SLCO3A1: variants seen among roughly 807,000 people sequenced by gnomAD.
SLCO3A1 encodes solute carrier organic anion transporter family member 3A1.
In SLCO3A1, 27 loss-of-function variants were observed where a neutral mutation model predicts 63.1. The observed-to-expected ratio is 0.43, with a 90% CI of 0.32 to 0.59. The LOEUF is 0.59. Ranked by LOEUF, SLCO3A1 falls within the 20% of genes least tolerant of loss-of-function variation. The pLI, the probability that SLCO3A1 is intolerant of heterozygous loss-of-function variation, is 0.09. For synonymous variants in SLCO3A1, 473 were observed against 409.9 expected (o/e 1.15, Z -1.86); for missense variants, 773 against 945.8 (o/e 0.82, Z 2.40).
intron 2 of SLCO3A1, among the ~76,000 whole-genome samples, chr15:91,987,283 T>G (rs529558094): frequency 3.0e-4 from 46 of 152,320 alleles, no homozygotes; most frequent in Non-Finnish European, 4.6e-4. Flanking sequence ...GAGCCTAGTG[T>G]TCAGTAGGTG....
chr15:91,967,883 G>T lies in SLCO3A1; in HGVS notation c.646+51425G>T, dbSNP rs2138849. On this transcript the variant is annotated intron_variant, in intron 2 of 9. Coordinates refer to ENST00000318445, the MANE Select transcript of SLCO3A1 (RefSeq NM_013272.4). This position sits in a 1 kb window ranked among gnomAD's most constrained non-coding sequence, Gnocchi z 4.4. ...TTGTCTGCTTTGTCTGCAGGATTCA[G>T]CACCAAGAGCTCTCAAGAGCAAATC... is the stretch of plus-strand genomic sequence containing the variant. 0.26 allele frequency among the ~76,000 whole-genome samples: 39,440 copies of T among 152,048 alleles called. 5,440 individuals are homozygous for T. The highest frequency in any genetic ancestry group is 0.35 in the East Asian group (1,795 of 5,144).
chr15:92,144,067 C>T (rs1287422561), intron 7 of SLCO3A1, among the ~76,000 whole-genome samples: 3 of 152,212 alleles, frequency 2.0e-5, no homozygotes, highest in Admixed American at 6.5e-5. Context: ...CTTCCGGGCG[C>T]GTCTGTGTGT....
intron 2 of SLCO3A1, among the ~76,000 whole-genome samples, chr15:91,989,492 T>A (rs2046099271): frequency 6.6e-6 from 1 of 152,170 alleles, no homozygotes; most frequent in Non-Finnish European, 1.5e-5. Flanking sequence ...ACATTCCAGA[T>A]CTCTCAGTCT....
rs1898647401 is a variant in SLCO3A1 at position 91,916,121 on chromosome 15, G to A, written c.309G>A (p.Gly103=). Residue 103 remains glycine, a synonymous_variant, in exon 2 of 10, where the codon GGG becomes GGA. Coordinates refer to ENST00000318445, the MANE Select transcript of SLCO3A1 (RefSeq NM_013272.4). The surrounding 1 kb of genome is among the most constrained non-coding windows in gnomAD (Gnocchi z 6.2). ...ILFVSYFGAR[G]HRPRLIGCGG... is the part of the protein sequence containing the mutation. ...TCGTGAGCTACTTCGGGGCACGCGGGCACCGGCCGCGCCTGATCGGCTGCG... is the reference window on the plus strand; with the variant it reads ...TCGTGAGCTACTTCGGGGCACGCGGACACCGGCCGCGCCTGATCGGCTGCG... 2 of 1,610,312 alleles carry A rather than the reference G, an allele frequency of 1.2e-6. No individual in the cohort carries two copies. The highest frequency in any genetic ancestry group is 1.7e-5 in the Admixed American group (1 of 59,948).
intron 2 of SLCO3A1, among the ~76,000 whole-genome samples, chr15:92,024,763 C>T (rs561914651): frequency 7.9e-5 from 12 of 152,270 alleles, no homozygotes; most frequent in South Asian, 2.1e-4. Context: ...AAGTAGGCCA[C>T]GGAAAACCTC....
chr15:92,100,244 T>C (rs1267337552), intron 3 of SLCO3A1, among the ~76,000 whole-genome samples: 2 of 152,268 alleles, frequency 1.3e-5, no homozygotes, highest in Middle Eastern at 6.8e-3. Context: ...TTTTCTCCTG[T>C]CCCCTTTACC....
chr15:91,854,803 T>C lies in SLCO3A1; in HGVS notation c.180+715T>C, dbSNP rs746274084. Among the ~76,000 whole-genome samples the C allele has an allele frequency of 1.6e-4, 25 of 152,136 alleles. No individual in the cohort carries two copies. The highest frequency in any genetic ancestry group is 3.1e-4 in the Non-Finnish European group (21 of 68,034). On this transcript the variant is annotated intron_variant, in intron 1 of 9. Coordinates refer to ENST00000318445, the MANE Select transcript of SLCO3A1 (RefSeq NM_013272.4). This position sits in a 1 kb window ranked among gnomAD's most constrained non-coding sequence, Gnocchi z 6.4. ...ATCGTGGTCTGTCGCCTACAGAAGG[T>C]TGCACCATTTTCCACAATGAATATG...
At chr15:91,924,172 T>C (rs1054382347) in intron 2 of SLCO3A1, among the ~76,000 whole-genome samples, 1 of 152,210 alleles carries the variant, frequency 6.6e-6, no homozygotes, top group South Asian at 2.1e-4. Flanking sequence ...CAATCTTAAG[T>C]GCTGAAGGGG....
intron 2 of SLCO3A1, among the ~76,000 whole-genome samples, chr15:92,023,056 A>G (rs940597717): frequency 1.3e-5 from 2 of 152,204 alleles, no homozygotes; most frequent in African/African-American, 4.8e-5. Context: ...GGAAGCACAG[A>G]GAAATTGAGG....
intron 2 of SLCO3A1, among the ~76,000 whole-genome samples, chr15:92,055,431 G>A (rs1428051462): frequency 6.6e-6 from 1 of 152,162 alleles, no homozygotes; most frequent in Non-Finnish European, 1.5e-5. Context: ...CTTTTGTTGT[G>A]CAGAACTTCT....
chr15:92,089,010 TA>T (rs758115214), intron 2 of SLCO3A1, among the ~76,000 whole-genome samples: 4,031 of 57,238 alleles, frequency 0.07, 99 homozygotes, highest in Non-Finnish European at 0.16. Flanking sequence ...ATTTATTTAT[TA>T]TTTATTTATT....
chr15:91,989,748 A>G (rs2046102952), intron 2 of SLCO3A1, among the ~76,000 whole-genome samples: 1 of 152,188 alleles, frequency 6.6e-6, no homozygotes, highest in South Asian at 2.1e-4. Flanking sequence ...GCTGATACCA[A>G]CTCAGGGACA....
In SLCO3A1 at chr15:91,965,367, C is replaced by T. The variant is rs143868103; in HGVS notation, c.646+48909C>T. ...AGAGGCCTGAGATCCTGCTCAAATC[C>T]CTGGATTCTATGTGGTATTGAAGAA... On this transcript the variant is annotated intron_variant, in intron 2 of 9. Transcript: ENST00000318445. Among the ~76,000 whole-genome samples the T allele has an allele frequency of 2.2e-4, 34 of 152,240 alleles. No individual in the cohort carries two copies. The East Asian group carries it at 6.4e-3, about 29-fold the overall frequency.
chr15:92,141,515 A>T (rs2048131657), intron 7 of SLCO3A1, among the ~76,000 whole-genome samples: 1 of 152,152 alleles, frequency 6.6e-6, no homozygotes, highest in Non-Finnish European at 1.5e-5. Context: ...CTTAAATTAG[A>T]CTGCTGTCTC....
intron 2 of SLCO3A1, among the ~76,000 whole-genome samples, chr15:92,019,405 G>C (rs2046479192): frequency 6.6e-6 from 1 of 152,206 alleles, no homozygotes; most frequent in Non-Finnish European, 1.5e-5. Flanking sequence ...TCCATGCTAA[G>C]TGTTCAGTAA....
At chr15:91,997,227 A>G (rs558495971) in intron 2 of SLCO3A1, among the ~76,000 whole-genome samples, 1 of 152,340 alleles carries the variant, frequency 6.6e-6, no homozygotes, top group African/African-American at 2.4e-5. Context: ...CAAAAGCCAA[A>G]TCAAGAATGC....
At chr15:92,086,595 A>C (rs2047407352) in intron 2 of SLCO3A1, among the ~76,000 whole-genome samples, 1 of 152,214 alleles carries the variant, frequency 6.6e-6, no homozygotes, top group Non-Finnish European at 1.5e-5. Context: ...TCTTCTGATA[A>C]ATCAGCTTCA....
In SLCO3A1 at chr15:92,104,557, A is replaced by G; in HGVS notation, c.1009+15A>G. Reference sequence around the variant, plus strand: ...GCAGCTGAGAGGTAAAGGTGGCCTCATCTGCCTCTGCTCAGAACAGTAGGG... The same window carrying G: ...GCAGCTGAGAGGTAAAGGTGGCCTCGTCTGCCTCTGCTCAGAACAGTAGGG... On this transcript the variant is annotated intron_variant, in intron 4 of 9. Transcript: ENST00000318445. The G allele has an allele frequency of 6.2e-7, 1 of 1,609,602 alleles. No homozygotes were observed. Among genetic ancestry groups the G allele is most frequent in the Non-Finnish European group, 8.5e-7 (1 of 1,179,336 alleles).
intron 2 of SLCO3A1, among the ~76,000 whole-genome samples, chr15:91,937,585 G>C (rs535622834): frequency 2.0e-5 from 3 of 152,258 alleles, no homozygotes; most frequent in South Asian, 2.1e-4. Flanking sequence ...TGGGTCTGGT[G>C]GTGGGTGCCT....
Sources: allele counts gnomAD v4.1 joint callset (sites outside exome capture counted in the v4.1 genomes callset), GRCh38; gene constraint gnomAD v4.1.1; non-coding constraint Gnocchi (gnomAD v3.1); transcripts MANE v1.5; gene names NCBI Gene and HGNC (gene_info 2026-07-23, HGNC 2026-07-21).